The following YTHDC2 variants were observed in gnomAD, a reference collection of about 807,000 sequenced individuals.
The protein encoded by YTHDC2 is YTH N6-methyladenosine RNA binding protein C2.
Under a neutral mutation model 174.9 loss-of-function variants are expected in YTHDC2, and 45 were observed. The observed-to-expected ratio is 0.26, with a 90% CI of 0.20 to 0.33. YTHDC2 has a LOEUF of 0.33. Among genes scored for constraint, YTHDC2 ranks in the 10% least tolerant of loss-of-function variants. The pLI is 1.00. For synonymous variants in YTHDC2, 657 were observed against 574.5 expected, an observed-to-expected ratio of 1.14 and a Z score of -2.05; for missense variants, 1,650 against 1,723.7, an observed-to-expected ratio of 0.96 and a Z score of 0.76.
intron 16 of YTHDC2, among the ~76,000 whole-genome samples, chr5:113,554,636 G>A (rs1257077627): frequency 6.6e-6 from 1 of 151,806 alleles, no homozygotes; most frequent in Non-Finnish European, 1.5e-5. Flanking sequence ...TATGGTTGCT[G>A]CCTTCATACT....
chr5:113,581,633 T>A lies in YTHDC2; in HGVS notation c.3571T>A (p.Ser1191Thr), dbSNP rs1407058862. The A allele has an allele frequency of 6.2e-7, 1 of 1,613,232 alleles. No homozygotes were observed. Among genetic ancestry groups the A allele is most frequent in the Non-Finnish European group, 8.5e-7 (1 of 1,179,718 alleles). The change falls in exon 25 of 30, where the codon TCA becomes ACA. Residue 1191 changes from serine to threonine, a missense_variant. Coordinates refer to ENST00000161863, the MANE Select transcript of YTHDC2 (RefSeq NM_022828.5). ...PMSSEELPLASSWRSNNSRKS... is the reference protein window; with the variant it reads ...PMSSEELPLATSWRSNNSRKS... ...GTCTTCAGAAGAGCTTCCTTTGGCC[T>A]CATCTTGGAGGTCAAATAATAGTAG...
chr5:113,514,685 C>T (rs943265303), intron 1 of YTHDC2, among the ~76,000 whole-genome samples: 1 of 151,982 alleles, frequency 6.6e-6, no homozygotes, highest in Non-Finnish European at 1.5e-5. Flanking sequence ...AGTTAGGGGA[C>T]CTCTTACTCT....
At chr5:113,561,040 A>T (rs745848238) in intron 17 of YTHDC2, 40 bp from the exon 18 acceptor site, 2 of 1,523,264 alleles carry the variant, frequency 1.3e-6, no homozygotes, top group Admixed American at 1.9e-5. Flanking sequence ...TGTAGCCTTT[A>T]TTCGTTGTTT....
intron 4 of YTHDC2, among the ~76,000 whole-genome samples, chr5:113,528,887 G>A (rs969731125): frequency 1.3e-5 from 2 of 152,080 alleles, no homozygotes; most frequent in African/African-American, 4.8e-5. Context: ...TATGCTCGTG[G>A]GTTTTTGTTT....
chr5:113,581,652 ATAG>A lies in YTHDC2; in HGVS notation c.3594_3596del (p.Ser1198del), dbSNP rs1264654867. 1 of 1,612,746 alleles carries A rather than the reference ATAG, an allele frequency of 6.2e-7. No homozygotes were observed. Among genetic ancestry groups the A allele is most frequent in the Admixed American group, 1.7e-5 (1 of 59,636 alleles). ...TTGGCCTCATCTTGGAGGTCAAATAATAGTAGGAAAAGTTCAGCAGATACTGAA... is the reference window on the plus strand; with the variant it reads ...TTGGCCTCATCTTGGAGGTCAAATAATAGGAAAAGTTCAGCAGATACTGAA... On this transcript the variant is annotated inframe_deletion, in exon 25 of 30. Coordinates refer to ENST00000161863, the MANE Select transcript of YTHDC2 (RefSeq NM_022828.5).
chr5:113,526,315 T>G (rs1448063619), intron 3 of YTHDC2, among the ~76,000 whole-genome samples: 1 of 133,432 alleles, frequency 7.5e-6, no homozygotes. Flanking sequence ...TTAAACATTA[T>G]GTACCAGAAA....
At position 113,581,546 on chromosome 5, in the gene YTHDC2, A is replaced by G; in HGVS notation, c.3484A>G (p.Thr1162Ala). ...AAGAGCAATTATAGCTGTTTTAAGC[A>G]CTGAAGAACAGTCTGCAGGTTTACA... is the stretch of plus-strand genomic sequence containing the variant. ...TIRAIIAVLSTEEQSAGLQQP... is the reference protein window; with the variant it reads ...TIRAIIAVLSAEEQSAGLQQP... The change falls in exon 25 of 30, where the codon ACT (threonine) becomes GCT (alanine). Residue 1162 changes from threonine (T) to alanine (A), a missense_variant. By Grantham distance (58) the Thr-to-Ala change is moderately conservative. Coordinates refer to ENST00000161863, the MANE Select transcript of YTHDC2 (RefSeq NM_022828.5). 2 of 1,614,012 alleles carry G rather than the reference A, an allele frequency of 1.2e-6. No homozygotes were observed. The highest frequency in any genetic ancestry group is 1.7e-6 in the Non-Finnish European group (2 of 1,179,904).
chr5:113,537,712 T>G (rs1580519799), intron 7 of YTHDC2, among the ~76,000 whole-genome samples: 1 of 152,106 alleles, frequency 6.6e-6, no homozygotes, highest in Non-Finnish European at 1.5e-5. Flanking sequence ...TGATGACTTC[T>G]GAATCTTTAT....
chr5:113,525,351 G>A (rs1449199572), intron 3 of YTHDC2, among the ~76,000 whole-genome samples, 174 bp downstream of exon 3: 1 of 151,888 alleles, frequency 6.6e-6, no homozygotes, highest in Non-Finnish European at 1.5e-5. Context: ...GTTAAAGCAT[G>A]TCATTAAGTT....
At chr5:113,548,473 T>C (rs1170069841) in intron 10 of YTHDC2, 68 bp from the exon 11 acceptor site, 1 of 1,469,566 alleles carries the variant, frequency 6.8e-7, no homozygotes, top group Admixed American at 2.4e-5. Context: ...TTTCAGATTT[T>C]TTAAAGAATG....
chr5:113,570,772 T>C (rs1274392342), intron 23 of YTHDC2, among the ~76,000 whole-genome samples: 1 of 152,112 alleles, frequency 6.6e-6, no homozygotes, highest in African/African-American at 2.4e-5. Flanking sequence ...TGCCTCAGCC[T>C]CCGGAGTAGC....
At chr5:113,591,016 C>T in intron 26 of YTHDC2, 25 bp from the exon 27 acceptor site, 1 of 1,604,288 alleles carries the variant, frequency 6.2e-7, no homozygotes, top group Non-Finnish European at 8.5e-7. Flanking sequence ...GGTTACCTTT[C>T]AAGAACTTAT....
chr5:113,553,725 G>A (rs755183379), intron 14 of YTHDC2, 39 bp downstream of exon 14: 8 of 1,612,616 alleles, frequency 5.0e-6, no homozygotes, highest in Admixed American at 3.3e-5. Context: ...TTAAAATAAC[G>A]GACAGGTCTT....
chr5:113,582,368 TTTTG>T (rs1203883216), intron 25 of YTHDC2: 29 of 152,330 alleles, frequency 1.9e-4, no homozygotes, highest in South Asian at 8.3e-4. Context: ...GTGGTGGTGT[TTTTG>T]TTTATTTTAT....
In YTHDC2 at chr5:113,581,695, T is replaced by C. The variant is rs1778411895; in HGVS notation, c.3633T>C (p.Cys1211=). 14 of 1,577,974 alleles carry C rather than the reference T, an allele frequency of 8.9e-6. No individual in the cohort carries two copies. In the East Asian group the frequency reaches 3.0e-4, roughly 33 times the overall value. The part of the protein sequence containing the change: ...SSADTEFSDE[C]TTAERVLMKS... ...CAGATACTGAATTTTCTGATGAGTG[T>C]ACTACTGCAGAAAGGTAAATTTATG... Residue 1211 remains cysteine, a synonymous_variant, in exon 25 of 30, where the codon TGT becomes TGC. Coordinates refer to ENST00000161863, the MANE Select transcript of YTHDC2 (RefSeq NM_022828.5).
At chr5:113,572,785 C>G (rs1183242635) in intron 23 of YTHDC2, among the ~76,000 whole-genome samples, 1 of 152,122 alleles carries the variant, frequency 6.6e-6, no homozygotes, top group African/African-American at 2.4e-5. Context: ...CAACCACTGC[C>G]TTTTTCTGTT....
chr5:113,532,347 G>A (rs1277441284), intron 4 of YTHDC2, among the ~76,000 whole-genome samples: 1 of 152,122 alleles, frequency 6.6e-6, no homozygotes, highest in Non-Finnish European at 1.5e-5. Context: ...ATTGGTGGCA[G>A]GGAGTAGGTA....
intron 12 of YTHDC2, among the ~76,000 whole-genome samples, chr5:113,551,680 A>G (rs996812304): frequency 6.6e-6 from 1 of 152,122 alleles, no homozygotes; most frequent in African/African-American, 2.4e-5. Context: ...GGGTGCAGCA[A>G]ACTACCATGG....
chr5:113,571,003 C>G (rs1470110884), intron 23 of YTHDC2, among the ~76,000 whole-genome samples: 1 of 152,186 alleles, frequency 6.6e-6, no homozygotes, highest in Non-Finnish European at 1.5e-5. Context: ...TTGGCCTGAA[C>G]TTCCAATCCT....
Sources: gnomAD v4.1 joint callset for allele counts (sites outside exome capture counted in the v4.1 genomes callset) on GRCh38, gnomAD v4.1.1 for gene constraint, MANE v1.5 for transcripts, NCBI Gene and HGNC (gene_info 2026-07-23, HGNC 2026-07-21) for gene names.